The following CLMN variants were observed in gnomAD, a reference collection of about 807,000 sequenced individuals.
CLMN encodes calmin, also known as calmin (calponin-like, transmembrane).
Under a neutral mutation model 92.7 loss-of-function variants are expected in CLMN, and 57 were observed. The ratio of observed to expected loss-of-function variants is 0.61; its 90% CI spans 0.50 to 0.77. The LOEUF (loss-of-function observed/expected upper bound fraction) is 0.77. CLMN is among the 30% of genes least tolerant of loss of function. CLMN has a pLI of 0.00. For missense variants in CLMN, 1,158 were observed against 1,237.5 expected (o/e 0.94, Z 0.96); for synonymous variants, 466 against 470.6 (o/e 0.99, Z 0.13).
intron 7 of CLMN, among the ~76,000 whole-genome samples, chr14:95,210,041 T>C (rs1897151229): frequency 6.6e-6 from 1 of 150,912 alleles, no homozygotes; most frequent in Non-Finnish European, 1.5e-5. Flanking sequence ...CTACCAGTAG[T>C]GGAAGAGCTA....
intron 9 of CLMN, among the ~76,000 whole-genome samples, chr14:95,200,444 G>A (rs1896845503): frequency 1.3e-5 from 2 of 152,208 alleles, no homozygotes; most frequent in Admixed American, 1.3e-4. Flanking sequence ...TGGAGGGGCT[G>A]GAGAGGCCGA....
chr14:95,222,559 G>A (rs927815027), intron 3 of CLMN: 42 of 455,524 alleles, frequency 9.2e-5, no homozygotes, highest in Non-Finnish European at 1.3e-4. Flanking sequence ...AAGACTCCCC[G>A]TGGAGGCCCA....
chr14:95,261,926 C>A (rs917250127), intron 1 of CLMN, among the ~76,000 whole-genome samples: 1 of 152,216 alleles, frequency 6.6e-6, no homozygotes, highest in East Asian at 1.9e-4. Context: ...AACCTGCGAG[C>A]AGCTTTGTCC....
chr14:95,264,832 G>A (rs560833052), intron 1 of CLMN, among the ~76,000 whole-genome samples: 22 of 151,934 alleles, frequency 1.4e-4, no homozygotes, highest in African/African-American at 4.6e-4. Context: ...CAGCTCTTTG[G>A]GAGGGCAAGG....
At chr14:95,198,720 C>T (rs186316464) in intron 9 of CLMN, among the ~76,000 whole-genome samples, 13 of 152,216 alleles carry the variant, frequency 8.5e-5, no homozygotes, top group African/African-American at 3.1e-4. Context: ...CCACTGCAAC[C>T]CAGGGCTCTT....
At chr14:95,267,643 CT>C (rs1899529112) in intron 1 of CLMN, among the ~76,000 whole-genome samples, 1 of 152,192 alleles carries the variant, frequency 6.6e-6, no homozygotes, top group South Asian at 2.1e-4. Context: ...ATAGAAGTAC[CT>C]TATGATCCAG....
At chr14:95,304,514 G>A (rs1365130758) in intron 1 of CLMN, among the ~76,000 whole-genome samples, 1 of 152,024 alleles carries the variant, frequency 6.6e-6, no homozygotes, top group Non-Finnish European at 1.5e-5. Flanking sequence ...GAAAGAACCA[G>A]CCGGATCCGT....
intron 4 of CLMN, among the ~76,000 whole-genome samples, chr14:95,217,639 A>T (rs1212469613): frequency 6.6e-6 from 1 of 152,214 alleles, no homozygotes; most frequent in Non-Finnish European, 1.5e-5. Flanking sequence ...CTCTGCTCTG[A>T]CAGCTCCTGT....
At chr14:95,235,661 T>C (rs567736778) in intron 1 of CLMN, among the ~76,000 whole-genome samples, 1 of 152,310 alleles carries the variant, frequency 6.6e-6, no homozygotes, top group East Asian at 1.9e-4. Flanking sequence ...ACTGAATTCA[T>C]ACAGTTGGAC....
intron 10 of CLMN, 48 bp downstream of exon 10, chr14:95,196,450 C>CT (rs772577999): frequency 6.4e-7 from 1 of 1,562,616 alleles, no homozygotes; most frequent in Non-Finnish European, 8.7e-7. Flanking sequence ...AAATAACTCT[C>CT]TAACTCTCTG....
chr14:95,200,240 T>C (rs974152498), intron 9 of CLMN, among the ~76,000 whole-genome samples: 2 of 150,266 alleles, frequency 1.3e-5, no homozygotes, highest in Admixed American at 6.6e-5. Flanking sequence ...GGAGCCTCCT[T>C]CTGTTGAACT....
chr14:95,268,193 T>C (rs1337149641), intron 1 of CLMN, among the ~76,000 whole-genome samples: 1 of 152,108 alleles, frequency 6.6e-6, no homozygotes, highest in Non-Finnish European at 1.5e-5. Flanking sequence ...AGAAGATAAA[T>C]GTTTGAGGTG....
At chr14:95,218,215 G>T (rs1897414708) in intron 4 of CLMN, among the ~76,000 whole-genome samples, 1 of 152,220 alleles carries the variant, frequency 6.6e-6, no homozygotes, top group Non-Finnish European at 1.5e-5. Flanking sequence ...TGATAACTCA[G>T]GGGCCTGGTA....
intron 1 of CLMN, among the ~76,000 whole-genome samples, chr14:95,289,031 G>A (rs547259778): frequency 3.7e-4 from 56 of 152,302 alleles, no homozygotes; most frequent in East Asian, 1.9e-4. Context: ...AGGGGTTACC[G>A]CTGGAGGTAG....
At chr14:95,281,438 G>T (rs950990634) in intron 1 of CLMN, among the ~76,000 whole-genome samples, 1 of 152,154 alleles carries the variant, frequency 6.6e-6, no homozygotes, top group East Asian at 1.9e-4. Context: ...ACTAGAGAAA[G>T]AAAAATTATG....
intron 1 of CLMN, among the ~76,000 whole-genome samples, chr14:95,267,066 G>A (rs1477472530): frequency 6.6e-6 from 1 of 152,092 alleles, no homozygotes; most frequent in African/African-American, 2.4e-5. Flanking sequence ...CTAAAACTAT[G>A]AACCCACTAA....
At chr14:95,266,199 G>C (rs1011730142) in intron 1 of CLMN, among the ~76,000 whole-genome samples, 3 of 152,206 alleles carry the variant, frequency 2.0e-5, no homozygotes, top group African/African-American at 7.2e-5. Flanking sequence ...GGAAGTCCTA[G>C]CTAGAGCAAT....
chr14:95,310,321 T>C (rs1430647074), intron 1 of CLMN, among the ~76,000 whole-genome samples: 2 of 152,256 alleles, frequency 1.3e-5, no homozygotes, highest in African/African-American at 4.8e-5. Context: ...GGTCCCATCC[T>C]GCAGCAGCAC....
intron 1 of CLMN, among the ~76,000 whole-genome samples, chr14:95,286,725 C>CATAAAGA: frequency 6.6e-6 from 1 of 152,300 alleles, no homozygotes; most frequent in Admixed American, 6.5e-5. Context: ...GACATAAAGA[C>CATAAAGA]CAAGAGTCTG....
Sources: gnomAD v4.1 joint callset for allele counts (sites outside exome capture counted in the v4.1 genomes callset) on GRCh38, gnomAD v4.1.1 for gene constraint, MANE v1.5 for transcripts, NCBI Gene and HGNC (gene_info 2026-07-23, HGNC 2026-07-21) for gene names.